TSPAN12: variants seen among roughly 807,000 people sequenced by gnomAD.
TSPAN12 encodes tetraspanin-12.
Under a neutral mutation model 39.2 loss-of-function variants are expected in TSPAN12, and 19 were observed. That is an observed-to-expected ratio of 0.49 (90% CI 0.34 to 0.71). The LOEUF (loss-of-function observed/expected upper bound fraction) is 0.71, where lower values mean the gene tolerates loss of function less well. Ranked by LOEUF, TSPAN12 falls within the 30% of genes least tolerant of loss-of-function variation. The probability of loss-of-function intolerance (pLI) is 0.01; values close to 1 mark genes in which losing one functional copy is unlikely to be tolerated. For synonymous variants in TSPAN12, 119 were observed against 124.8 expected (o/e 0.95, Z 0.31); for missense variants, 314 against 359.9 (o/e 0.87, Z 1.03).
In TSPAN12 at chr7:120,806,679, C is replaced by G; in HGVS notation, c.482G>C (p.Gly161Ala). Residue 161 changes from glycine to alanine, a missense_variant, in exon 7 of 8, where the codon GGA (glycine) becomes GCA (alanine). Physicochemically the swap from Gly to Ala is moderately conservative, Grantham distance 60. Coordinates refer to ENST00000222747, the MANE Select transcript of TSPAN12 (RefSeq NM_012338.4). ...CAACCAGTCAGTGAAATATACTACT[C>G]CACAGCACTTAAACTGCAAAAAAAA... ...NFFQREFKCC[G>A]VVYFTDWLEM... The G allele has an allele frequency of 6.2e-7, 1 of 1,613,166 alleles. No homozygotes were observed. Among genetic ancestry groups the G allele is most frequent in the East Asian group, 2.2e-5 (1 of 44,866 alleles).
intron 7 of TSPAN12, among the ~76,000 whole-genome samples, chr7:120,790,083 C>T (rs1426772943): frequency 6.6e-6 from 1 of 152,110 alleles, no homozygotes; most frequent in Admixed American, 6.6e-5. Context: ...TTGCATTTTG[C>T]TGTGGACCGG....
At chr7:120,850,982 G>T (rs966869632) in intron 2 of TSPAN12, among the ~76,000 whole-genome samples, 1 of 152,112 alleles carries the variant, frequency 6.6e-6, no homozygotes, top group African/African-American at 2.4e-5. Flanking sequence ...GAGACACCGC[G>T]TCCGGCTGAC....
intron 4 of TSPAN12, among the ~76,000 whole-genome samples, chr7:120,830,244 A>G (rs754964363): frequency 5.3e-5 from 8 of 152,176 alleles, no homozygotes; most frequent in Admixed American, 1.3e-4. Flanking sequence ...TACAAATTCA[A>G]TGCAATCCCA....
intron 4 of TSPAN12, among the ~76,000 whole-genome samples, chr7:120,827,187 A>G (rs1794305466): frequency 6.6e-6 from 1 of 151,930 alleles, no homozygotes; most frequent in East Asian, 1.9e-4. Context: ...CTCCTTCTAA[A>G]TCACATTTTT....
intron 4 of TSPAN12, among the ~76,000 whole-genome samples, chr7:120,836,328 GC>G (rs1379205193): frequency 6.6e-6 from 1 of 152,178 alleles, no homozygotes; most frequent in Non-Finnish European, 1.5e-5. Context: ...CTAGAAGCCT[GC>G]CATGAGAGGA....
At chr7:120,821,820 G>A (rs763023503) in intron 4 of TSPAN12, among the ~76,000 whole-genome samples, 25 of 152,252 alleles carry the variant, frequency 1.6e-4, no homozygotes, top group Non-Finnish European at 3.1e-4. Flanking sequence ...GAATGACGGT[G>A]TATAAAATTG....
chr7:120,799,557 T>G (rs1793708858), intron 7 of TSPAN12, among the ~76,000 whole-genome samples: 1 of 110,148 alleles, frequency 9.1e-6, no homozygotes, highest in Admixed American at 1.1e-4. Context: ...TATATATAAT[T>G]AAATATAATT....
intron 2 of TSPAN12, among the ~76,000 whole-genome samples, chr7:120,852,610 G>A (rs73427823): frequency 0.012 from 1,772 of 152,306 alleles, 32 homozygotes; most frequent in African/African-American, 0.039. Flanking sequence ...ATCTCCAGGT[G>A]TGCATGCACT....
chr7:120,858,193 G>C (rs2116527472), upstream of TSPAN12: 1 of 152,370 alleles, frequency 6.6e-6, no homozygotes, highest in East Asian at 1.9e-4. Context: ...GGTGTTTCTT[G>C]TCCCTCTCAC....
At chr7:120,845,302 A>G (rs1289689168) in intron 2 of TSPAN12, among the ~76,000 whole-genome samples, 1 of 152,126 alleles carries the variant, frequency 6.6e-6, no homozygotes, top group Non-Finnish European at 1.5e-5. Context: ...CATTTTCCTC[A>G]TTGTCTTGAA....
chr7:120,848,933 A>G (rs1479257918), intron 2 of TSPAN12, among the ~76,000 whole-genome samples: 1 of 152,222 alleles, frequency 6.6e-6, no homozygotes, highest in Admixed American at 6.5e-5. Context: ...TAAACCTGAT[A>G]TTAAACCTAG....
chr7:120,800,432 A>G (rs1329119561), intron 7 of TSPAN12, among the ~76,000 whole-genome samples: 1 of 152,132 alleles, frequency 6.6e-6, no homozygotes, highest in Non-Finnish European at 1.5e-5. Flanking sequence ...CATTCTTCAT[A>G]CTTGATCATC....
chr7:120,806,475 G>T, intron 7 of TSPAN12, 74 bp downstream of exon 7: 1 of 1,543,826 alleles, frequency 6.5e-7, no homozygotes, highest in Non-Finnish European at 8.9e-7. Context: ...AATTTCATTG[G>T]CATATTGTTG....
Position 120,788,473 on chromosome 7 carries a change from T to A in TSPAN12, c.*119A>T. Reference sequence around the variant, plus strand: ...TTTAAAGCATAGAATAGTATATGCTTAGGTGTTATTTTATGGCAACATTTT... The same window carrying A: ...TTTAAAGCATAGAATAGTATATGCTAAGGTGTTATTTTATGGCAACATTTT... On this transcript the variant is annotated 3_prime_UTR_variant, in exon 8 of 8. Transcript: ENST00000222747. 1.1e-5 allele frequency: 13 copies of A among 1,211,536 alleles called. No homozygotes were observed. Among genetic ancestry groups the A allele is most frequent in the Non-Finnish European group, 1.4e-5 (12 of 830,276 alleles). The allele number at this position is 1,211,536 out of a possible 1,614,324, so 75.0% of individuals were successfully genotyped here. A position where few individuals can be genotyped will look rare whatever the true frequency, so the allele number is the denominator to read the frequency against.
intron 2 of TSPAN12, among the ~76,000 whole-genome samples, chr7:120,855,346 C>A (rs1305992886): frequency 2.0e-5 from 3 of 152,314 alleles, no homozygotes; most frequent in African/African-American, 7.2e-5. Context: ...ACCAGGCCAT[C>A]TTTAAAGCTC....
intron 7 of TSPAN12, among the ~76,000 whole-genome samples, chr7:120,802,873 G>C (rs1294835988): frequency 2.0e-5 from 3 of 152,116 alleles, no homozygotes; most frequent in Non-Finnish European, 4.4e-5. Flanking sequence ...ATTTTTCACA[G>C]GTTTCCAAAT....
intron 6 of TSPAN12, among the ~76,000 whole-genome samples, chr7:120,806,901 A>C (rs986484037): frequency 5.9e-5 from 9 of 152,094 alleles, no homozygotes; most frequent in Admixed American, 5.2e-4. Flanking sequence ...CTGAGTAATA[A>C]TGCCCATAAC....
intron 2 of TSPAN12, among the ~76,000 whole-genome samples, chr7:120,851,790 C>A (rs1293203944): frequency 1.7e-4 from 26 of 152,134 alleles, no homozygotes; most frequent in Non-Finnish European, 4.4e-5. Context: ...GTTCACCTAC[C>A]CACACCATCT....
chr7:120,825,308 C>T (rs757102676), intron 4 of TSPAN12, among the ~76,000 whole-genome samples: 4 of 152,208 alleles, frequency 2.6e-5, no homozygotes, highest in Admixed American at 6.5e-5. Flanking sequence ...AAAACTCAGA[C>T]GGTTTTTTCA....
Sources: allele counts gnomAD v4.1 joint callset (sites outside exome capture counted in the v4.1 genomes callset), GRCh38; gene constraint gnomAD v4.1.1; transcripts MANE v1.5; gene names NCBI Gene and HGNC (gene_info 2026-07-23, HGNC 2026-07-21).